Variants in PIK3AP1 observed in about 807,000 individuals in gnomAD.
PIK3AP1 encodes phosphoinositide 3-kinase adapter protein 1.
PIK3AP1 carries 21 observed loss-of-function variants against 88.1 expected under a neutral mutation model. The ratio of observed to expected loss-of-function variants is 0.24; its 90% confidence interval spans 0.17 to 0.34. The LOEUF (loss-of-function observed/expected upper bound fraction) is 0.34. Among genes scored for constraint, PIK3AP1 ranks in the 10% least tolerant of loss-of-function variants. PIK3AP1 has a pLI of 1.00. For missense variants in PIK3AP1, 828 were observed against 1,035.7 expected, an observed-to-expected ratio of 0.80 and a Z score of 2.75; for synonymous variants, 398 against 400.0, an observed-to-expected ratio of 1.00 and a Z score of 0.06.
At chr10:96,616,569 A>T in intron 13 of PIK3AP1, 70 bp downstream of exon 13, 1 of 1,547,770 alleles carries the variant, frequency 6.5e-7, no homozygotes, top group Non-Finnish European at 8.9e-7. Flanking sequence ...GGCCACAGCC[A>T]AAAGGAGAGT....
intron 2 of PIK3AP1, among the ~76,000 whole-genome samples, chr10:96,698,207 T>C (rs530346130): frequency 1.3e-5 from 2 of 152,342 alleles, no homozygotes; most frequent in East Asian, 1.9e-4. Flanking sequence ...AGAAACTCTA[T>C]TGTTAATCAA....
chr10:96,606,828 A>G (rs10786304), intron 14 of PIK3AP1, among the ~76,000 whole-genome samples: 126,009 of 152,236 alleles, frequency 0.83, 52,298 homozygotes, highest in East Asian at 0.99. Context: ...ACAAAGAGCT[A>G]TCCTCAGTAT....
chr10:96,663,527 G>A (rs531731231), intron 2 of PIK3AP1, among the ~76,000 whole-genome samples: 1 of 150,916 alleles, frequency 6.6e-6, no homozygotes, highest in Admixed American at 6.6e-5. Context: ...CTTCTCAGGA[G>A]GCTGAGGCAG....
At chr10:96,663,627 C>CA (rs373081849) in intron 2 of PIK3AP1, among the ~76,000 whole-genome samples, 11,602 of 42,904 alleles carry the variant, frequency 0.27, 2,700 homozygotes, top group East Asian at 0.39. Flanking sequence ...GAGACTCCGT[C>CA]AAAAAAAAAA....
intron 2 of PIK3AP1, among the ~76,000 whole-genome samples, chr10:96,663,645 A>G (rs1011285955): frequency 6.6e-6 from 1 of 150,804 alleles, no homozygotes; most frequent in East Asian, 1.9e-4. Context: ...AAAAAAAAAA[A>G]AAAAAAAAAG....
intron 2 of PIK3AP1, among the ~76,000 whole-genome samples, chr10:96,692,185 T>C (rs1844163040): frequency 6.6e-6 from 1 of 152,152 alleles, no homozygotes; most frequent in African/African-American, 2.4e-5. Flanking sequence ...GATCACATGG[T>C]GGTTAAGAGG....
Position 96,652,838 on chromosome 10 carries a change from T to C in PIK3AP1, c.572A>G (p.Glu191Gly). The C allele has an allele frequency of 6.2e-7, 1 of 1,613,304 alleles. No homozygotes were observed. The highest frequency in any genetic ancestry group is 2.2e-5 in the East Asian group (1 of 44,882). ...VQPDRIRCGAETTVYVIVRCK... is the reference protein window; with the variant it reads ...VQPDRIRCGAGTTVYVIVRCK... ...TCTCACAATAACATAGACAGTGGTT[T>C]CTGCCTGAAACGGGAAGCCGGTCAT... The change falls in exon 4 of 17, where the codon GAA becomes GGA. Residue 191 changes from glutamate to glycine, a missense_variant. Glu to Gly is a moderately conservative substitution (Grantham distance 98). Coordinates refer to ENST00000339364, the MANE Select transcript of PIK3AP1 (RefSeq NM_152309.3).
At position 96,595,310 on chromosome 10, in the gene PIK3AP1, T is replaced by C; in HGVS notation, c.*267A>G. ...GATATGGCAAATTAGAGGTAAGTAT[T>C]TCGATTAAGTCTTCATCCTTTTGGC... On this transcript the variant is annotated 3_prime_UTR_variant, in exon 17 of 17. Transcript: ENST00000339364. The C allele has an allele frequency of 2.2e-6, 1 of 444,976 alleles. No homozygotes were observed. The highest frequency in any genetic ancestry group is 3.8e-5 in the East Asian group (1 of 26,068). The allele number at this position is 444,976 out of a possible 1,614,324, so 27.6% of individuals were successfully genotyped here. A position where few individuals can be genotyped will look rare whatever the true frequency, so the allele number is the denominator to read the frequency against.
Position 96,710,217 on chromosome 10 carries a change from T to C in PIK3AP1, c.14-234A>G, listed in dbSNP as rs185681869. Among the ~76,000 whole-genome samples the C allele has an allele frequency of 2.5e-3, 371 of 149,870 alleles. 1 individual carries two copies. The highest frequency in any genetic ancestry group is 8.7e-3 in the African/African-American group (355 of 40,610). The stretch of plus-strand genomic sequence containing the variant: ...CCAAACATACCACGCTGTTTTATTA[T>C]TTATTTATTTATTTATTTATTTAGA... On this transcript the variant is annotated intron_variant, in intron 1 of 16. Coordinates refer to ENST00000339364, the MANE Select transcript of PIK3AP1 (RefSeq NM_152309.3).
intron 8 of PIK3AP1, among the ~76,000 whole-genome samples, chr10:96,636,185 C>G (rs1843309893): frequency 6.6e-6 from 1 of 151,680 alleles, no homozygotes. Context: ...CCACTGCACT[C>G]TAGTCTGGGT....
intron 2 of PIK3AP1, among the ~76,000 whole-genome samples, chr10:96,685,399 G>A (rs1466678253): frequency 6.6e-6 from 1 of 152,224 alleles, no homozygotes; most frequent in African/African-American, 2.4e-5. Flanking sequence ...GGTTGGGCAA[G>A]AAAGGACACA....
chr10:96,675,251 A>G (rs1843902860), intron 2 of PIK3AP1, among the ~76,000 whole-genome samples: 1 of 151,956 alleles, frequency 6.6e-6, no homozygotes, highest in South Asian at 2.1e-4. Flanking sequence ...GAGGGTGGGA[A>G]AACCTTGTAG....
chr10:96,672,288 G>A (rs892193888), intron 2 of PIK3AP1, among the ~76,000 whole-genome samples: 2 of 152,160 alleles, frequency 1.3e-5, no homozygotes, highest in Admixed American at 6.5e-5. Context: ...ACTGCACATC[G>A]GTGAATTTGC....
At chr10:96,668,607 A>G (rs756084342) in intron 2 of PIK3AP1, among the ~76,000 whole-genome samples, 6 of 152,180 alleles carry the variant, frequency 3.9e-5, no homozygotes, top group Admixed American at 6.5e-5. Context: ...TTAAACAGAA[A>G]CAGTCACTGG....
At chr10:96,643,395 A>G (rs954237672) in intron 8 of PIK3AP1, among the ~76,000 whole-genome samples, 1 of 152,134 alleles carries the variant, frequency 6.6e-6, no homozygotes, top group Non-Finnish European at 1.5e-5. Flanking sequence ...CTGTTTCCCC[A>G]TTTGTAAAGT....
chr10:96,647,549 A>C (rs1005174033), intron 7 of PIK3AP1, among the ~76,000 whole-genome samples: 1 of 152,218 alleles, frequency 6.6e-6, no homozygotes, highest in Non-Finnish European at 1.5e-5. Flanking sequence ...CCAGACTGAG[A>C]GCACCTTTTA....
At chr10:96,608,653 G>A (rs1294123357) in intron 14 of PIK3AP1, among the ~76,000 whole-genome samples, 1 of 152,214 alleles carries the variant, frequency 6.6e-6, no homozygotes, top group Non-Finnish European at 1.5e-5. Flanking sequence ...CCATGGGTGG[G>A]CAAAATTGTG....
intron 2 of PIK3AP1, among the ~76,000 whole-genome samples, chr10:96,664,159 C>G (rs1843730332): frequency 6.6e-6 from 1 of 152,148 alleles, no homozygotes; most frequent in Non-Finnish European, 1.5e-5. Flanking sequence ...AACCAAGAGG[C>G]TTTGCATCAG....
intron 14 of PIK3AP1, among the ~76,000 whole-genome samples, chr10:96,609,464 C>T (rs554326359): frequency 1.6e-3 from 248 of 152,272 alleles, no homozygotes; most frequent in Middle Eastern, 3.4e-3. Flanking sequence ...TAAATGTTAC[C>T]TATTAGTATT....
Sources: allele counts gnomAD v4.1 joint callset (sites outside exome capture counted in the v4.1 genomes callset), GRCh38; gene constraint gnomAD v4.1.1; transcripts MANE v1.5; gene names NCBI Gene and HGNC (gene_info 2026-07-23, HGNC 2026-07-21).